The following B4GALT1 variants were observed in gnomAD, a reference collection of about 807,000 sequenced individuals.
B4GALT1 encodes beta-1,4-galactosyltransferase 1.
B4GALT1 carries 16 observed loss-of-function variants against 34.9 expected under a neutral mutation model. That is an observed-to-expected ratio of 0.46 (90% CI 0.31 to 0.70). The LOEUF is 0.70. Ranked by LOEUF, B4GALT1 falls within the 30% of genes least tolerant of loss-of-function variation. The pLI is 0.05. For synonymous variants in B4GALT1, 221 were observed against 218.1 expected (o/e 1.01, Z -0.12); for missense variants, 445 against 530.5 (o/e 0.84, Z 1.58).
chr9:33,120,305 G>A, intron 3 of B4GALT1, 114 bp downstream of exon 3: 2 of 1,165,072 alleles, frequency 1.7e-6, no homozygotes, highest in South Asian at 1.2e-5. Flanking sequence ...TTTCTCAGAG[G>A]AGGCATTCTG....
chr9:33,170,161 G>A (rs1282510394), upstream of B4GALT1, among the ~76,000 whole-genome samples: 2 of 151,606 alleles, frequency 1.3e-5, no homozygotes, highest in African/African-American at 4.8e-5. Context: ...TAGTAGAGAT[G>A]GGGTTTCACC....
At chr9:33,160,586 G>A (rs1241782858) in intron 1 of B4GALT1, among the ~76,000 whole-genome samples, 7 of 152,088 alleles carry the variant, frequency 4.6e-5, no homozygotes, top group Non-Finnish European at 8.8e-5. Flanking sequence ...AGGCAACATG[G>A]CAAAACCCCA....
intron 2 of B4GALT1, among the ~76,000 whole-genome samples, chr9:33,126,087 G>T (rs1229328260): frequency 6.6e-6 from 1 of 152,140 alleles, no homozygotes; most frequent in Non-Finnish European, 1.5e-5. Flanking sequence ...TCCCCACCAT[G>T]CAAGAACGCA....
At chr9:33,104,435 C>A in exon 3 of B4GALT1, 1 of 188,976 alleles carries the variant, frequency 5.3e-6, no homozygotes, top group Non-Finnish European at 1.1e-5. Flanking sequence ...TTGACTGAGT[C>A]CAGGCTTCAA....
At chr9:33,125,362 G>A (rs937045551) in intron 2 of B4GALT1, among the ~76,000 whole-genome samples, 5 of 152,194 alleles carry the variant, frequency 3.3e-5, no homozygotes, top group South Asian at 2.1e-4. Flanking sequence ...CCAAATCACC[G>A]AGGCTGGGGA....
At chr9:33,123,821 CA>C (rs1233211201) in intron 2 of B4GALT1, among the ~76,000 whole-genome samples, 2 of 152,216 alleles carry the variant, frequency 1.3e-5, no homozygotes, top group African/African-American at 4.8e-5. Flanking sequence ...AGGAGAAGCC[CA>C]AGAAGCAGAC....
At chr9:33,108,323 A>G (rs1839816796), downstream of B4GALT1, among the ~76,000 whole-genome samples, 1 of 151,904 alleles carries the variant, frequency 6.6e-6, no homozygotes, top group Non-Finnish European at 1.5e-5. Flanking sequence ...AATAATAGAA[A>G]AATTAGGGGC....
intron 2 of B4GALT1, among the ~76,000 whole-genome samples, chr9:33,134,331 A>G (rs937706885): frequency 1.3e-4 from 20 of 152,356 alleles, no homozygotes; most frequent in African/African-American, 4.8e-4. Flanking sequence ...GGGCGTACTC[A>G]GACTCTTCAA....
At chr9:33,169,569 G>A (rs903342062), upstream of B4GALT1, among the ~76,000 whole-genome samples, 10 of 148,284 alleles carry the variant, frequency 6.7e-5, no homozygotes, top group East Asian at 1.8e-3. Flanking sequence ...CCCCCAGGTT[G>A]GAGTGCAATG....
rs1347144717 is a variant in B4GALT1, at chr9:33,159,243, A to C, written c.412+7515T>G. Among the ~76,000 whole-genome samples, 3 of 152,234 alleles carry C rather than the reference A, an allele frequency of 2.0e-5. No homozygotes were observed. In the East Asian group the frequency reaches 5.8e-4, roughly 29 times the overall value. On this transcript the variant is annotated intron_variant, in intron 1 of 5. Transcript: ENST00000379731. The stretch of plus-strand genomic sequence containing the variant: ...GCAAAACAGGAAGAAACTTTGAAAG[A>C]AAAAAACTTAAGGCATTTTTAGAAT...
chr9:33,154,449 A>G (rs573921951), intron 1 of B4GALT1, among the ~76,000 whole-genome samples: 1 of 152,322 alleles, frequency 6.6e-6, no homozygotes, highest in East Asian at 1.9e-4. Context: ...GTCTCTTAGC[A>G]TATCTATTTA....
upstream of B4GALT1, among the ~76,000 whole-genome samples, chr9:33,168,843 C>T (rs1324569906): frequency 6.6e-6 from 1 of 152,226 alleles, no homozygotes; most frequent in Non-Finnish European, 1.5e-5. Context: ...ACTGGCATCT[C>T]AAACACAATA....
At chr9:33,163,882 G>GC (rs1302045504) in intron 1 of B4GALT1, among the ~76,000 whole-genome samples, 3 of 152,228 alleles carry the variant, frequency 2.0e-5, no homozygotes, top group Admixed American at 6.5e-5. Context: ...CTCAGGAAAG[G>GC]CCCCCCTTCC....
chr9:33,180,382 A>G, the B4GALT1 span, among the ~76,000 whole-genome samples: 5 of 152,312 alleles, frequency 3.3e-5, 1 homozygote, highest in African/African-American at 1.2e-4. Flanking sequence ...CCAATATCAT[A>G]CTTTCATCAA....
At chr9:33,135,520 G>A in intron 1 of B4GALT1, 96 bp from the exon 2 acceptor site, 1 of 1,270,962 alleles carries the variant, frequency 7.9e-7, no homozygotes, top group Non-Finnish European at 1.1e-6. Flanking sequence ...TGCAGCTGCA[G>A]AGGAAATGTC....
chr9:33,163,788 G>C (rs1191738658), intron 1 of B4GALT1, among the ~76,000 whole-genome samples: 1 of 152,220 alleles, frequency 6.6e-6, no homozygotes, highest in Non-Finnish European at 1.5e-5. Context: ...CTGAGGACCT[G>C]AGACAGGGTT....
rs1839894677 is a variant in B4GALT1 at position 33,113,524 on chromosome 9, T to C, written c.1127A>G (p.Tyr376Cys). ...GTATCTCTGTACATCCAGCACCTGG[T>C]AGGTGAGTGAGTTCAAACCATCAGA... ...MLSDGLNSLT[Y>C]QVLDVQRYPL... Residue 376 changes from tyrosine to cysteine, a missense_variant, in exon 6 of 6, where the codon TAC becomes TGC. Physicochemically the swap from Tyr to Cys is radical, Grantham distance 194 (BLOSUM62 -2). Around this residue, in one of 3 missense-constraint regions of B4GALT1, gnomAD observed 89 missense variants for 107.6 expected, o/e 0.83. Coordinates refer to ENST00000379731, the MANE Select transcript of B4GALT1 (RefSeq NM_001497.4). The C allele has an allele frequency of 2.5e-6, 4 of 1,614,212 alleles. No homozygotes were observed. Among genetic ancestry groups the C allele is most frequent in the Non-Finnish European group, 3.4e-6 (4 of 1,180,036 alleles).
the B4GALT1 span, among the ~76,000 whole-genome samples, chr9:33,175,949 G>A: frequency 1.3e-5 from 2 of 152,116 alleles, no homozygotes; most frequent in African/African-American, 4.8e-5. Context: ...TCCCCCACAC[G>A]TCTAACATAT....
chr9:33,137,893 C>T (rs1051373414), intron 1 of B4GALT1, among the ~76,000 whole-genome samples: 9 of 152,170 alleles, frequency 5.9e-5, no homozygotes, highest in Admixed American at 3.3e-4. Flanking sequence ...ACTGGGGGGG[C>T]CCTGCTGCAC....
Sources: gnomAD v4.1 joint callset for allele counts (sites outside exome capture counted in the v4.1 genomes callset) on GRCh38, gnomAD v4.1.1 for gene constraint, gnomAD v4.1.1 regional missense constraint, MANE v1.5 for transcripts, NCBI Gene and HGNC (gene_info 2026-07-23, HGNC 2026-07-21) for gene names.